Variants in MYO1E observed in about 807,000 individuals in gnomAD.
MYO1E encodes the protein unconventional myosin-Ie.
In MYO1E, 68 loss-of-function variants were observed where a neutral mutation model predicts 151.1. The observed-to-expected ratio is 0.45, with a 90% CI of 0.37 to 0.55. The LOEUF (loss-of-function observed/expected upper bound fraction) is 0.55. Ranked by LOEUF, MYO1E falls within the 20% of genes least tolerant of loss-of-function variation. MYO1E has a pLI of 0.00. For synonymous variants in MYO1E, 601 were observed against 501.7 expected, an observed-to-expected ratio of 1.20 and a Z score of -2.64; for missense variants, 1,363 against 1,389.3, an observed-to-expected ratio of 0.98 and a Z score of 0.30.
chr15:59,303,833 C>G (rs1158940138), intron 1 of MYO1E, among the ~76,000 whole-genome samples: 4 of 152,112 alleles, frequency 2.6e-5, no homozygotes, highest in Non-Finnish European at 5.9e-5. Context: ...GTGTAGGACT[C>G]TCTTCTGATA....
chr15:59,261,480 G>A lies in MYO1E; in HGVS notation c.177C>T (p.Val59=), dbSNP rs1207392295. The change falls in exon 3 of 28, where the codon GTC becomes GTT. Residue 59 remains valine (V), a synonymous_variant. Coordinates refer to ENST00000288235, the MANE Select transcript of MYO1E (RefSeq NM_004998.4). ...FTYIGSVLIS[V]NPFKQMPYFG... ...AATATGGCATCTGCTTGAAAGGGTT[G>A]ACTGAGATTAATACAGATCCTATAT... The A allele has an allele frequency of 6.2e-7, 1 of 1,608,530 alleles. No individual in the cohort carries two copies. Among genetic ancestry groups the A allele is most frequent in the East Asian group, 2.2e-5 (1 of 44,754 alleles).
At chr15:59,338,598 G>A (rs2080744423) in intron 1 of MYO1E, among the ~76,000 whole-genome samples, 1 of 152,052 alleles carries the variant, frequency 6.6e-6, no homozygotes, top group African/African-American at 2.4e-5. Context: ...GGAGTATTGG[G>A]GCTGGTCTCC....
chr15:59,350,891 GGTTTTTT>G lies in MYO1E; in HGVS notation c.3+21600_3+21606del, dbSNP rs2080819488. Among the ~76,000 whole-genome samples, 1 of 151,990 alleles carries G rather than the reference GGTTTTTT, an allele frequency of 6.6e-6. No homozygotes were observed. Among genetic ancestry groups the G allele is most frequent in the Admixed American group, 6.6e-5 (1 of 15,260 alleles). On this transcript the variant is annotated intron_variant, in intron 1 of 27. Coordinates refer to ENST00000288235, the MANE Select transcript of MYO1E (RefSeq NM_004998.4). This position sits in a 1 kb window ranked among gnomAD's most constrained non-coding sequence, Gnocchi z 5.0. ...GTTGTTGTTGTTTGTTTGGTTGGTT[GGTTTTTT>G]GTTTTTTGTCTTTTTTGAGACGGAG...
intron 1 of MYO1E, among the ~76,000 whole-genome samples, chr15:59,303,702 C>T (rs1596408397): frequency 6.6e-6 from 1 of 152,174 alleles, no homozygotes; most frequent in East Asian, 1.9e-4. Flanking sequence ...GTGATCATCT[C>T]GCATTTGCCC....
chr15:59,325,066 C>A (rs538536364), intron 1 of MYO1E, among the ~76,000 whole-genome samples: 1 of 150,930 alleles, frequency 6.6e-6, no homozygotes, highest in Non-Finnish European at 1.5e-5. Context: ...GACAGAATCT[C>A]GCTCTATCGC....
At chr15:59,344,636 C>G (rs370295091) in intron 1 of MYO1E, among the ~76,000 whole-genome samples, 1 of 152,212 alleles carries the variant, frequency 6.6e-6, no homozygotes, top group South Asian at 2.1e-4. Context: ...ATCAGGGAAC[C>G]AGGGTCTGGA....
chr15:59,219,031 G>C (rs2079937466), intron 9 of MYO1E, among the ~76,000 whole-genome samples: 1 of 152,200 alleles, frequency 6.6e-6, no homozygotes, highest in African/African-American at 2.4e-5. Context: ...GGCTAATAAA[G>C]AGGGGCATTA....
intron 15 of MYO1E, among the ~76,000 whole-genome samples, chr15:59,204,570 G>C (rs1476343440): frequency 1.3e-5 from 2 of 152,178 alleles, no homozygotes; most frequent in Non-Finnish European, 1.5e-5. Context: ...TGTTATCCAG[G>C]ATCTTGAGAA....
At chr15:59,209,628 A>T (rs925909913) in intron 13 of MYO1E, among the ~76,000 whole-genome samples, 13 of 151,928 alleles carry the variant, frequency 8.6e-5, no homozygotes, top group African/African-American at 2.9e-4. Flanking sequence ...GTGAGCCAAG[A>T]TGGCGCCACT....
intron 21 of MYO1E, 61 bp downstream of exon 21, chr15:59,173,685 A>T: frequency 1.3e-6 from 2 of 1,585,646 alleles, no homozygotes; most frequent in Non-Finnish European, 1.7e-6. Flanking sequence ...GCAAAATAAC[A>T]AGTTATTAAA....
At chr15:59,170,897 C>T (rs981070502) in intron 22 of MYO1E, among the ~76,000 whole-genome samples, 1 of 152,146 alleles carries the variant, frequency 6.6e-6, no homozygotes, top group Non-Finnish European at 1.5e-5. Context: ...TTCCTGAGCG[C>T]ACCAGTTTTG....
chr15:59,326,430 C>A lies in MYO1E; in HGVS notation c.3+46068G>T, dbSNP rs184835313. Among the ~76,000 whole-genome samples the A allele has an allele frequency of 3.9e-3, 586 of 152,124 alleles. 2 individuals are homozygous for A. The highest frequency in any genetic ancestry group is 0.013 in the African/African-American group (551 of 41,516). On this transcript the variant is annotated intron_variant, in intron 1 of 27. Coordinates refer to ENST00000288235, the MANE Select transcript of MYO1E (RefSeq NM_004998.4). ...CCCAGCTACTCAGGAGGCTGAGGCA[C>A]GGGAATTGCTTGAACCTGGGAGGTG...
chr15:59,372,572 T>A lies in MYO1E; in HGVS notation c.-72A>T, dbSNP rs1596448327. On this transcript the variant is annotated 5_prime_UTR_variant, in exon 1 of 28. Coordinates refer to ENST00000288235, the MANE Select transcript of MYO1E (RefSeq NM_004998.4). ...GAACTGGGGCTGGAACGCAGTCTTC[T>A]GGGCGAACTTCAAAAGTTGGTTCCC... 1.3e-6 allele frequency: 2 copies of A among 1,519,634 alleles called. No homozygotes were observed. Among genetic ancestry groups the A allele is most frequent in the Non-Finnish European group, 1.8e-6 (2 of 1,131,966 alleles). The allele number at this position is 1,519,634 out of a possible 1,614,324, so 94.1% of individuals were successfully genotyped here. A position where few individuals can be genotyped will look rare whatever the true frequency, so the allele number is the denominator to read the frequency against.
At chr15:59,323,855 G>A (rs2080644743) in intron 1 of MYO1E, among the ~76,000 whole-genome samples, 1 of 151,910 alleles carries the variant, frequency 6.6e-6, no homozygotes, top group South Asian at 2.1e-4. Flanking sequence ...AGCCCCTGGG[G>A]GGCTGTCACC....
chr15:59,324,772 A>G (rs1237073029), intron 1 of MYO1E, among the ~76,000 whole-genome samples: 1 of 151,802 alleles, frequency 6.6e-6, no homozygotes, highest in East Asian at 1.9e-4. Context: ...TGAGGAGTAA[A>G]ATTGAGCCTT....
chr15:59,286,308 C>T (rs1297163856), intron 1 of MYO1E, among the ~76,000 whole-genome samples: 1 of 152,124 alleles, frequency 6.6e-6, no homozygotes, highest in African/African-American at 2.4e-5. Context: ...ATGAGTTAAC[C>T]AACTACTCAC....
At chr15:59,300,362 C>T (rs1275545514) in intron 1 of MYO1E, among the ~76,000 whole-genome samples, 2 of 152,134 alleles carry the variant, frequency 1.3e-5, no homozygotes, top group Non-Finnish European at 2.9e-5. Context: ...CAGGCACACA[C>T]ACACGGCCAT....
intron 4 of MYO1E, among the ~76,000 whole-genome samples, chr15:59,255,389 AATTTT>A (rs2080188278): frequency 6.6e-6 from 1 of 151,908 alleles, no homozygotes; most frequent in African/African-American, 2.4e-5. Flanking sequence ...TAGTAAGCAG[AATTTT>A]ATTTTATTAT....
intron 18 of MYO1E, among the ~76,000 whole-genome samples, chr15:59,178,794 C>T (rs189314969): frequency 6.6e-6 from 1 of 152,330 alleles, no homozygotes; most frequent in Non-Finnish European, 1.5e-5. Flanking sequence ...TGGTGAAAAC[C>T]TGCGTACTCT....
Sources: allele counts gnomAD v4.1 joint callset (sites outside exome capture counted in the v4.1 genomes callset), GRCh38; gene constraint gnomAD v4.1.1; non-coding constraint Gnocchi (gnomAD v3.1); transcripts MANE v1.5; gene names NCBI Gene and HGNC (gene_info 2026-07-23, HGNC 2026-07-21).